Variants in STXBP5L observed in about 807,000 individuals in gnomAD.
The protein encoded by STXBP5L is syntaxin-binding protein 5-like.
STXBP5L carries 65 observed loss-of-function variants against 144.5 expected under a neutral mutation model. The observed-to-expected ratio is 0.45, with a 90% CI of 0.37 to 0.55. STXBP5L has a LOEUF of 0.55. Among genes scored for constraint, STXBP5L ranks in the 20% least tolerant of loss-of-function variants. STXBP5L has a pLI of 0.00. For missense variants in STXBP5L, 1,298 were observed against 1,405.5 expected (o/e 0.92, Z 1.22); for synonymous variants, 505 against 469.6 (o/e 1.08, Z -0.97).
intron 2 of STXBP5L, among the ~76,000 whole-genome samples, chr3:120,949,331 A>T (rs932315221): frequency 6.6e-6 from 1 of 151,964 alleles, no homozygotes; most frequent in South Asian, 2.1e-4. Flanking sequence ...TCTCAGATGC[A>T]TAGTTAGTGA....
At chr3:121,176,154 C>A (rs983720253) in intron 9 of STXBP5L, among the ~76,000 whole-genome samples, 1 of 151,876 alleles carries the variant, frequency 6.6e-6, no homozygotes, top group African/African-American at 2.4e-5. Flanking sequence ...ATTGATAGAA[C>A]AAGTGGGCAT....
chr3:121,316,007 A>G (rs569568773), intron 19 of STXBP5L, among the ~76,000 whole-genome samples: 74 of 152,142 alleles, frequency 4.9e-4, no homozygotes, highest in African/African-American at 1.7e-3. Context: ...TCTCAAAAAA[A>G]AAAAAAGGAA....
Position 120,909,745 on chromosome 3 carries a change from C to T in STXBP5L, c.167C>T (p.Ser56Leu). 6.2e-7 allele frequency: 1 copy of T among 1,611,618 alleles called. No individual in the cohort carries two copies. Among genetic ancestry groups the T allele is most frequent in the Non-Finnish European group, 8.5e-7 (1 of 1,179,332 alleles). The change falls in exon 2 of 27, where the codon TCG becomes TTG. Residue 56 changes from serine (S) to leucine (L), a missense_variant. Transcript: ENST00000471454. ...GAGGAAATTCAGGAAACTTTGACTTCGGAGTATTTCCAGATTTGCAAGGTA... is the reference window on the plus strand; with the variant it reads ...GAGGAAATTCAGGAAACTTTGACTTTGGAGTATTTCCAGATTTGCAAGGTA... ...LREEIQETLT[S>L]EYFQICKTVR... is the part of the protein sequence containing the mutation.
intron 5 of STXBP5L, among the ~76,000 whole-genome samples, chr3:121,049,943 G>A (rs1029678098): frequency 2.6e-5 from 4 of 152,138 alleles, no homozygotes; most frequent in Admixed American, 1.3e-4. Flanking sequence ...TCCTGATCCT[G>A]AGTCCAAGGA....
chr3:120,908,463 CAGAG>C lies in STXBP5L; in HGVS notation c.-9+135_-9+138del, dbSNP rs1197410137. 3.2e-4 allele frequency: 50 copies of C among 156,518 alleles called. No individual in the cohort carries two copies. The East Asian group carries it at 7.2e-3, about 23-fold the overall frequency. The allele number at this position is 156,518 out of a possible 1,614,324, so 9.7% of individuals were successfully genotyped here. A position where few individuals can be genotyped will look rare whatever the true frequency, so the allele number is the denominator to read the frequency against. On this transcript the variant is annotated intron_variant, in intron 1 of 26. Transcript: ENST00000471454. ...TGTGTGTGTTTGAGAGAGAGAGAGACAGAGAGAGACAGAGACAGAGAGCGAGCGC... is the reference window on the plus strand; with the variant it reads ...TGTGTGTGTTTGAGAGAGAGAGAGACAGAGACAGAGACAGAGAGCGAGCGC...
intron 3 of STXBP5L, among the ~76,000 whole-genome samples, chr3:121,036,908 T>C (rs1366627003): frequency 2.0e-5 from 3 of 149,898 alleles, no homozygotes; most frequent in Non-Finnish European, 4.4e-5. Flanking sequence ...TTATATTATA[T>C]AATTCTTTAA....
chr3:121,257,197 A>G lies in STXBP5L; in HGVS notation c.1696A>G (p.Ile566Val), dbSNP rs1395057891. ...ACGACTTCAGTATGATGTTGAAGAT[A>G]TTATTACCCCTGAACCAGAAACAAG... ...EVRLQYDVED[I>V]ITPEPETSPP... The change falls in exon 17 of 27, where the codon ATT becomes GTT. Residue 566 changes from isoleucine (I) to valine (V), a missense_variant. Coordinates refer to ENST00000471454, the MANE Select transcript of STXBP5L (RefSeq NM_001308330.2). 1.9e-6 allele frequency: 3 copies of G among 1,613,264 alleles called. No individual in the cohort carries two copies. The highest frequency in any genetic ancestry group is 2.2e-5 in the East Asian group (1 of 44,856).
chr3:120,980,741 A>G (rs1941681843), intron 3 of STXBP5L, among the ~76,000 whole-genome samples: 1 of 152,146 alleles, frequency 6.6e-6, no homozygotes, highest in South Asian at 2.1e-4. Flanking sequence ...TGTCCCTGTC[A>G]TAATGTTAAT....
chr3:121,321,700 A>T (rs1345796578), intron 20 of STXBP5L, among the ~76,000 whole-genome samples: 1 of 152,182 alleles, frequency 6.6e-6, no homozygotes, highest in East Asian at 1.9e-4. Context: ...CCTCCCCTGT[A>T]GGTATCTGTT....
At chr3:120,908,929 C>G (rs573630131) in intron 1 of STXBP5L, among the ~76,000 whole-genome samples, 6 of 151,890 alleles carry the variant, frequency 4.0e-5, no homozygotes, top group African/African-American at 1.2e-4. Flanking sequence ...CTCCTCCCCC[C>G]CTCCCCGGCA....
At chr3:121,033,623 T>TG (rs1946537385) in intron 3 of STXBP5L, among the ~76,000 whole-genome samples, 2 of 151,702 alleles carry the variant, frequency 1.3e-5, no homozygotes, top group Non-Finnish European at 2.9e-5. Context: ...TTCGTGTGTT[T>TG]TTTATGGTAT....
At position 121,115,048 on chromosome 3, in the gene STXBP5L, G is replaced by A; in HGVS notation, c.594G>A (p.Lys198=). Residue 198 remains lysine, a synonymous_variant, in exon 6 of 27, where the codon AAG becomes AAA. Coordinates refer to ENST00000471454, the MANE Select transcript of STXBP5L (RefSeq NM_001308330.2). ...ILSGYVIMWN[K]AIELSTKTHP... ...CTGGATATGTTATCATGTGGAACAA[G>A]GCAATTGAACTGTAAGTTTGAACTT... is the stretch of plus-strand genomic sequence containing the variant. The A allele has an allele frequency of 6.2e-7, 1 of 1,601,354 alleles. No homozygotes were observed. Among genetic ancestry groups the A allele is most frequent in the African/African-American group, 1.3e-5 (1 of 74,404 alleles).
At chr3:121,139,376 A>T (rs2045399365) in intron 7 of STXBP5L, among the ~76,000 whole-genome samples, 1 of 152,104 alleles carries the variant, frequency 6.6e-6, no homozygotes, top group Non-Finnish European at 1.5e-5. Context: ...ATGTCAACTA[A>T]AAAGAAAAAG....
Position 121,008,243 on chromosome 3 carries a change from A to G in STXBP5L, c.288-33457A>G, listed in dbSNP as rs191046368. The stretch of plus-strand genomic sequence containing the variant: ...GTAGCAACAACTCTAGCCCCTCATA[A>G]TAATCAGGGTCAGTTCCCAGTATAA... On this transcript the variant is annotated intron_variant, in intron 3 of 26. Transcript: ENST00000471454. Among the ~76,000 whole-genome samples the G allele has an allele frequency of 7.5e-4, 114 of 152,074 alleles. 1 individual carries two copies. The highest frequency in any genetic ancestry group is 4.0e-4 in the Non-Finnish European group (27 of 67,924).
At chr3:121,362,538 T>C (rs2045742344) in intron 20 of STXBP5L, among the ~76,000 whole-genome samples, 1 of 152,106 alleles carries the variant, frequency 6.6e-6, no homozygotes, top group South Asian at 2.1e-4. Flanking sequence ...AGAAGTACTG[T>C]CATGCTACCA....
At chr3:120,979,346 C>T (rs568197408) in intron 3 of STXBP5L, among the ~76,000 whole-genome samples, 44 of 152,322 alleles carry the variant, frequency 2.9e-4, no homozygotes, top group African/African-American at 8.2e-4. Flanking sequence ...TAGGACCCTC[C>T]GAGCCAGGTG....
At chr3:121,076,719 G>T (rs977801975) in intron 5 of STXBP5L, among the ~76,000 whole-genome samples, 1 of 152,146 alleles carries the variant, frequency 6.6e-6, no homozygotes, top group African/African-American at 2.4e-5. Context: ...CTCAGTTTCT[G>T]TGGAGTTAGG....
rs2050998813 is a variant in STXBP5L, at chr3:121,279,887, C to G, written c.2041C>G (p.Leu681Val). The change falls in exon 19 of 27, where the codon CTA becomes GTA. Residue 681 changes from leucine (L) to valine (V), a missense_variant. Transcript: ENST00000471454. ...TVLLSMGTID[L>V]YRSSDLYQRQ... ...ACTGTTAAGCATGGGGACCATTGAC[C>G]TATATAGATCAAGTGACTTATACCA... 1 of 1,612,294 alleles carries G rather than the reference C, an allele frequency of 6.2e-7. No individual in the cohort carries two copies. Among genetic ancestry groups the G allele is most frequent in the Admixed American group, 1.7e-5 (1 of 59,804 alleles).
chr3:120,981,466 C>T (rs1029975093), intron 3 of STXBP5L, among the ~76,000 whole-genome samples: 2 of 151,918 alleles, frequency 1.3e-5, no homozygotes. Flanking sequence ...TTTGTTTGTT[C>T]TAGCCTATTA....
Sources: allele counts gnomAD v4.1 joint callset (sites outside exome capture counted in the v4.1 genomes callset), GRCh38; gene constraint gnomAD v4.1.1; transcripts MANE v1.5; gene names NCBI Gene and HGNC (gene_info 2026-07-23, HGNC 2026-07-21).